AGO3: variants seen among roughly 807,000 people sequenced by gnomAD.
AGO3 encodes protein argonaute-3.
Under a neutral mutation model 105.5 loss-of-function variants are expected in AGO3, and 16 were observed. That is an observed-to-expected ratio of 0.15 (90% CI 0.10 to 0.23). AGO3 has a LOEUF of 0.23. Ranked by LOEUF, AGO3 falls within the 10% of genes least tolerant of loss-of-function variation. AGO3 has a pLI of 1.00. For missense variants in AGO3, 534 were observed against 1,088.0 expected (o/e 0.49, Z 7.16); for synonymous variants, 340 against 367.3 (o/e 0.93, Z 0.85).
intron 1 of AGO3, among the ~76,000 whole-genome samples, chr1:35,942,831 T>C (rs1434958687): frequency 6.6e-6 from 1 of 152,246 alleles, no homozygotes; most frequent in African/African-American, 2.4e-5. Flanking sequence ...TCTGCACAAC[T>C]CTTTTCATTT....
In AGO3 at chr1:36,055,479, T is replaced by A. The variant is rs1464587297; in HGVS notation, c.2475-158T>A. On this transcript the variant is annotated intron_variant, in intron 18 of 18. Coordinates refer to ENST00000373191, the MANE Select transcript of AGO3 (RefSeq NM_024852.4). The surrounding 1 kb of genome is among the most constrained non-coding windows in gnomAD (Gnocchi z 4.4). The stretch of plus-strand genomic sequence containing the variant: ...GAAGTAAAACAAAATTGGCCTTGAG[T>A]TAATAGTGATTGAAGCTGAGTGATG... 6.6e-6 allele frequency among the ~76,000 whole-genome samples: 1 copy of A among 152,176 alleles called. No individual in the cohort carries two copies. Among genetic ancestry groups the A allele is most frequent in the African/African-American group, 2.4e-5 (1 of 41,444 alleles).
Position 36,055,682 on chromosome 1 carries a change from A to G in AGO3, c.2520A>G (p.Pro840=), listed in dbSNP as rs376625988. The change falls in exon 19 of 19, where the codon CCA becomes CCG. Residue 840 remains proline (P), a synonymous_variant. Coordinates refer to ENST00000373191, the MANE Select transcript of AGO3 (RefSeq NM_024852.4). The surrounding 1 kb of genome is among the most constrained non-coding windows in gnomAD (Gnocchi z 4.4). ...HVSGQSNGRD[P]QALAKAVQIH... Reference sequence around the variant, plus strand: ...CAGGACAAAGCAATGGGCGAGATCCACAAGCTCTTGCCAAGGCTGTACAGA... The same window carrying G: ...CAGGACAAAGCAATGGGCGAGATCCGCAAGCTCTTGCCAAGGCTGTACAGA... The G allele has an allele frequency of 4.1e-5, 66 of 1,614,220 alleles. No homozygotes were observed. The East Asian group carries it at 4.7e-4, about 11-fold the overall frequency.
At chr1:35,947,595 A>T (rs1646390393) in intron 2 of AGO3, among the ~76,000 whole-genome samples, 1 of 152,212 alleles carries the variant, frequency 6.6e-6, no homozygotes. Flanking sequence ...AAATGTTTAT[A>T]AAATGGCATG....
intron 13 of AGO3, among the ~76,000 whole-genome samples, chr1:36,035,708 CACT>C (rs1330452615): frequency 6.6e-6 from 1 of 152,092 alleles, no homozygotes; most frequent in Non-Finnish European, 1.5e-5. Flanking sequence ...CCACCAGCAC[CACT>C]ATTTTAGATA....
chr1:35,993,322 A>G (rs1047206252), intron 5 of AGO3, among the ~76,000 whole-genome samples: 1 of 152,192 alleles, frequency 6.6e-6, no homozygotes, highest in Non-Finnish European at 1.5e-5. Flanking sequence ...CAGAATATCA[A>G]TGAAGCCAAC....
intron 13 of AGO3, 123 bp from the exon 14 acceptor site, chr1:36,036,051 AAAT>A: frequency 1.8e-5 from 14 of 770,064 alleles, no homozygotes; most frequent in East Asian, 6.1e-5. Flanking sequence ...AAAAAAAAAA[AAAT>A]TTGGATTACA....
intron 11 of AGO3, among the ~76,000 whole-genome samples, chr1:36,021,223 C>T (rs376364718): frequency 5.9e-5 from 9 of 152,266 alleles, no homozygotes; most frequent in East Asian, 1.9e-4. Context: ...TGAACCACTG[C>T]GCCCAGCCGC....
At chr1:36,014,428 G>T (rs1464356461) in intron 11 of AGO3, among the ~76,000 whole-genome samples, 1 of 151,578 alleles carries the variant, frequency 6.6e-6, no homozygotes, top group Non-Finnish European at 1.5e-5. Flanking sequence ...AAGGTGCTGG[G>T]ATTACAGGCA....
At chr1:35,931,900 A>C (rs1425352220) in intron 1 of AGO3, among the ~76,000 whole-genome samples, 1 of 152,224 alleles carries the variant, frequency 6.6e-6, no homozygotes, top group Non-Finnish European at 1.5e-5. Flanking sequence ...GTGTTGGTGC[A>C]ACGTTAAATT....
intron 2 of AGO3, among the ~76,000 whole-genome samples, chr1:35,964,377 A>G (rs1235363390): frequency 6.6e-6 from 1 of 152,054 alleles, no homozygotes; most frequent in Admixed American, 6.6e-5. Context: ...AGCATGCAGT[A>G]TTTGGGTTTC....
Position 36,066,002 on chromosome 1 carries a change from T to G in AGO3, c.*10257T>G, listed in dbSNP as rs1024427274. The G allele has an allele frequency of 2.0e-5, 3 of 150,216 alleles. No homozygotes were observed. Among genetic ancestry groups the G allele is most frequent in the Non-Finnish European group, 4.4e-5 (3 of 67,942 alleles). The allele number at this position is 150,216 out of a possible 1,614,324, so 9.3% of individuals were successfully genotyped here. A position where few individuals can be genotyped will look rare whatever the true frequency, so the allele number is the denominator to read the frequency against. On this transcript the variant is annotated 3_prime_UTR_variant, in exon 19 of 19. Transcript: ENST00000373191. ...ATGCAGTGAGCCAAGATCGTGCCAC[T>G]GCACTCCAGCCTGGGCAACAGAGTG...
intron 11 of AGO3, among the ~76,000 whole-genome samples, chr1:36,025,957 G>A (rs1391836134): frequency 2.0e-5 from 3 of 151,954 alleles, no homozygotes; most frequent in Admixed American, 1.3e-4. Context: ...AAGATCATTT[G>A]AGCCTGGGAA....
intron 2 of AGO3, among the ~76,000 whole-genome samples, chr1:35,949,542 A>G (rs1367820250): frequency 1.3e-5 from 2 of 152,216 alleles, no homozygotes; most frequent in African/African-American, 4.8e-5. Flanking sequence ...AATATTAGCA[A>G]AACAGTTAAG....
chr1:36,002,146 A>C (rs1189115107), intron 5 of AGO3, among the ~76,000 whole-genome samples: 1 of 151,860 alleles, frequency 6.6e-6, no homozygotes, highest in Admixed American at 6.6e-5. Flanking sequence ...TAGCCTTCTG[A>C]GTAGCTGGGA....
At chr1:35,991,148 CA>C (rs1321530271) in intron 5 of AGO3, among the ~76,000 whole-genome samples, 1 of 152,048 alleles carries the variant, frequency 6.6e-6, no homozygotes, top group Non-Finnish European at 1.5e-5. Context: ...TACTAAAATA[CA>C]AAAAATTAGC....
intron 16 of AGO3, among the ~76,000 whole-genome samples, chr1:36,042,439 G>A (rs950317923): frequency 1.3e-5 from 2 of 152,172 alleles, no homozygotes; most frequent in African/African-American, 4.8e-5. Context: ...ATTTATTAGA[G>A]TTAAGTATTT....
intron 2 of AGO3, among the ~76,000 whole-genome samples, chr1:35,951,356 G>A (rs1252624969): frequency 2.6e-5 from 4 of 152,068 alleles, no homozygotes; most frequent in Admixed American, 2.6e-4. Flanking sequence ...AAATATTTCT[G>A]CATATTTCAT....
In AGO3 at chr1:36,008,618, G is replaced by A; in HGVS notation, c.794-72G>A. ...TTCAGAATTGAGTTTTTATGGTAAT[G>A]AACAGGCTTTATAAGTATAAATATT... On this transcript the variant is annotated intron_variant, in intron 6 of 18. Coordinates refer to ENST00000373191, the MANE Select transcript of AGO3 (RefSeq NM_024852.4). The surrounding 1 kb of genome is among the most constrained non-coding windows in gnomAD (Gnocchi z 5.1). The A allele has an allele frequency of 6.9e-7, 1 of 1,450,720 alleles. No homozygotes were observed. Among genetic ancestry groups the A allele is most frequent in the South Asian group, 1.2e-5 (1 of 81,502 alleles). 89.9% of individuals were successfully genotyped at this position (1,450,720 alleles called of 1,614,324 possible).
intron 2 of AGO3, among the ~76,000 whole-genome samples, chr1:35,955,741 C>T (rs550344959): frequency 2.2e-3 from 332 of 152,194 alleles, no homozygotes; most frequent in Admixed American, 3.5e-3. Flanking sequence ...ACTACAGGCA[C>T]ATACCACCAT....
Sources: allele counts gnomAD v4.1 joint callset (sites outside exome capture counted in the v4.1 genomes callset), GRCh38; gene constraint gnomAD v4.1.1; non-coding constraint Gnocchi (gnomAD v3.1); transcripts MANE v1.5; gene names NCBI Gene and HGNC (gene_info 2026-07-23, HGNC 2026-07-21).